The following ST7 variants were observed in gnomAD, a reference collection of about 807,000 sequenced individuals.
ST7 encodes suppression of tumorigenicity 7.
ST7 carries 28 observed loss-of-function variants against 78.7 expected under a neutral mutation model. The ratio of observed to expected loss-of-function variants is 0.36; its 90% CI spans 0.26 to 0.49. ST7 has a LOEUF of 0.49. Among genes scored for constraint, ST7 ranks in the 20% least tolerant of loss-of-function variants. The probability of loss-of-function intolerance (pLI) is 0.99; values close to 1 mark genes in which losing one functional copy is unlikely to be tolerated. For missense variants in ST7, 418 were observed against 696.0 expected (o/e 0.60, Z 4.49); for synonymous variants, 247 against 249.6 (o/e 0.99, Z 0.10).
intron 1 of ST7, among the ~76,000 whole-genome samples, chr7:116,965,412 G>A (rs914757809): frequency 1.3e-5 from 2 of 151,948 alleles, no homozygotes; most frequent in Non-Finnish European, 2.9e-5. Flanking sequence ...GTGGAAGGGT[G>A]GGGGGCAAGG....
At chr7:117,194,608 G>A (rs773725417) in intron 12 of ST7, among the ~76,000 whole-genome samples, 7 of 152,210 alleles carry the variant, frequency 4.6e-5, no homozygotes, top group Non-Finnish European at 1.0e-4. Flanking sequence ...ATTAGAGGAT[G>A]TTTTCCATTT....
intron 1 of ST7, among the ~76,000 whole-genome samples, chr7:116,999,090 C>G (rs1794808191): frequency 6.6e-6 from 1 of 152,232 alleles, no homozygotes; most frequent in Non-Finnish European, 1.5e-5. Context: ...AGCATGTCAA[C>G]TTGTGGTGGA....
chr7:117,014,949 G>T, intron 1 of ST7: 1 of 1,323,320 alleles, frequency 7.6e-7, no homozygotes, highest in Non-Finnish European at 9.7e-7. Context: ...TTCATTTTCT[G>T]GCTGATAGAG....
At chr7:117,036,837 A>G (rs1796922815) in intron 1 of ST7, among the ~76,000 whole-genome samples, 1 of 152,190 alleles carries the variant, frequency 6.6e-6, no homozygotes, top group African/African-American at 2.4e-5. Context: ...AGTTGCTTGA[A>G]TCTCTCAATC....
chr7:117,194,251 GA>G (rs1355435158), intron 12 of ST7, among the ~76,000 whole-genome samples: 3 of 152,190 alleles, frequency 2.0e-5, no homozygotes, highest in African/African-American at 7.2e-5. Flanking sequence ...GCTCCCATAG[GA>G]AAAGGCATAA....
At chr7:117,077,844 C>CTT (rs1186348708) in intron 1 of ST7, among the ~76,000 whole-genome samples, 12 of 120,908 alleles carry the variant, frequency 9.9e-5, no homozygotes, top group South Asian at 5.4e-4. Flanking sequence ...TGATTTCTTT[C>CTT]TTTTTTTTTT....
chr7:117,188,766 A>G (rs1256447840), intron 10 of ST7, among the ~76,000 whole-genome samples: 2 of 148,156 alleles, frequency 1.3e-5, no homozygotes, highest in Non-Finnish European at 2.9e-5. Context: ...TATATTAGAC[A>G]TATATATAAC....
chr7:117,164,159 G>A (rs1807366194), intron 9 of ST7, among the ~76,000 whole-genome samples: 1 of 152,074 alleles, frequency 6.6e-6, no homozygotes, highest in African/African-American at 2.4e-5. Context: ...CAAACCGATG[G>A]AACAGAATAA....
chr7:117,113,454 A>G (rs887514346), intron 2 of ST7, among the ~76,000 whole-genome samples: 1 of 152,124 alleles, frequency 6.6e-6, no homozygotes, highest in Non-Finnish European at 1.5e-5. Context: ...GAAAGAGAGA[A>G]GAGGAAGACT....
chr7:117,054,582 T>A (rs1797967844), intron 1 of ST7, among the ~76,000 whole-genome samples: 1 of 152,240 alleles, frequency 6.6e-6, no homozygotes, highest in South Asian at 2.1e-4. Flanking sequence ...TGTTAGGCCA[T>A]TCCTTTATCA....
chr7:117,138,836 G>T (rs1805025530), intron 9 of ST7, among the ~76,000 whole-genome samples: 1 of 152,152 alleles, frequency 6.6e-6, no homozygotes, highest in African/African-American at 2.4e-5. Flanking sequence ...TAATAGAGTG[G>T]CTGGCATATT....
chr7:116,959,357 T>C (rs1792701736), intron 1 of ST7: 1 of 437,218 alleles, frequency 2.3e-6, no homozygotes, highest in African/African-American at 2.0e-5. Flanking sequence ...TTATGGTATA[T>C]GTGTGTGATA....
At chr7:117,163,430 C>T (rs1006166039) in intron 9 of ST7, among the ~76,000 whole-genome samples, 1 of 152,094 alleles carries the variant, frequency 6.6e-6, no homozygotes. Context: ...TCTGCATTCT[C>T]GCCAGTGTTT....
chr7:117,009,687 T>A (rs1389563166), intron 1 of ST7, among the ~76,000 whole-genome samples: 1 of 152,228 alleles, frequency 6.6e-6, no homozygotes, highest in Non-Finnish European at 1.5e-5. Context: ...TGCTATATTT[T>A]TTTTTAATTG....
chr7:117,055,208 T>A (rs1183423383), intron 1 of ST7, among the ~76,000 whole-genome samples: 1 of 152,168 alleles, frequency 6.6e-6, no homozygotes, highest in Non-Finnish European at 1.5e-5. Context: ...TTAATTTTTT[T>A]ATTTTATTTT....
At chr7:117,209,657 G>A in intron 12 of ST7, 130 bp from the exon 13 acceptor site, 1 of 1,033,088 alleles carries the variant, frequency 9.7e-7, no homozygotes, top group Non-Finnish European at 1.4e-6. Flanking sequence ...TTCAAATGTA[G>A]TAATGAGGTT....
intron 14 of ST7, among the ~76,000 whole-genome samples, chr7:117,220,578 G>T (rs1383542971): frequency 6.6e-6 from 1 of 152,210 alleles, no homozygotes; most frequent in South Asian, 2.1e-4. Flanking sequence ...GTTCTTAAGA[G>T]AAACCTTATA....
chr7:117,094,439 G>A (rs1465630589), intron 1 of ST7, among the ~76,000 whole-genome samples: 1 of 152,098 alleles, frequency 6.6e-6, no homozygotes, highest in Non-Finnish European at 1.5e-5. Flanking sequence ...TCCTTTTGGT[G>A]CCCTGTCCCT....
intron 12 of ST7, among the ~76,000 whole-genome samples, chr7:117,201,903 C>T (rs577926337): frequency 2.6e-5 from 4 of 152,206 alleles, no homozygotes; most frequent in African/African-American, 4.8e-5. Context: ...CGCTGCCACG[C>T]GTTCATGTTT....
Sources: gnomAD v4.1 joint callset for allele counts (sites outside exome capture counted in the v4.1 genomes callset) on GRCh38, gnomAD v4.1.1 for gene constraint, MANE v1.5 for transcripts, NCBI Gene and HGNC (gene_info 2026-07-23, HGNC 2026-07-21) for gene names.